Variants in PGM5 observed in about 807,000 individuals in gnomAD.
PGM5 encodes phosphoglucomutase-like protein 5.
Under a neutral mutation model 59.2 loss-of-function variants are expected in PGM5, and 23 were observed. The ratio of observed to expected loss-of-function variants is 0.39; its 90% CI spans 0.28 to 0.55. The LOEUF (loss-of-function observed/expected upper bound fraction) is 0.55, where lower values mean the gene tolerates loss of function less well. Among genes scored for constraint, PGM5 ranks in the 20% least tolerant of loss-of-function variants. PGM5 has a pLI of 0.66. For missense variants in PGM5, 574 were observed against 748.3 expected (o/e 0.77, Z 2.72); for synonymous variants, 214 against 286.0 (o/e 0.75, Z 2.54).
chr9:68,420,721 G>A (rs145158575), intron 6 of PGM5, among the ~76,000 whole-genome samples: 87 of 152,236 alleles, frequency 5.7e-4, no homozygotes, highest in Admixed American at 1.8e-3. Context: ...TCAGATGTTC[G>A]TCGGGAGACA....
At chr9:68,494,215 A>C (rs1295229732) in intron 9 of PGM5, among the ~76,000 whole-genome samples, 7 of 151,940 alleles carry the variant, frequency 4.6e-5, no homozygotes, top group Non-Finnish European at 1.0e-4. Context: ...TCCTACGAAG[A>C]CTGTGCTAAA....
chr9:68,411,583 C>T (rs1243221825), intron 6 of PGM5, among the ~76,000 whole-genome samples: 3 of 151,288 alleles, frequency 2.0e-5, no homozygotes, highest in Non-Finnish European at 4.4e-5. Flanking sequence ...TTTTGGATGT[C>T]CCTTGCTTAT....
chr9:68,444,393 G>T (rs1388773035), intron 6 of PGM5, among the ~76,000 whole-genome samples: 2 of 152,168 alleles, frequency 1.3e-5, no homozygotes, highest in Non-Finnish European at 2.9e-5. Flanking sequence ...TTATTGGGGT[G>T]CTAGAAGCAA....
chr9:68,456,717 C>G (rs373502741), intron 6 of PGM5, among the ~76,000 whole-genome samples: 1 of 151,236 alleles, frequency 6.6e-6, no homozygotes, highest in Non-Finnish European at 1.5e-5. Context: ...CTCCACTTCC[C>G]GGGTTCAAGT....
chr9:68,526,743 C>G (rs1483154345), intron 10 of PGM5, among the ~76,000 whole-genome samples: 1 of 152,096 alleles, frequency 6.6e-6, no homozygotes, highest in African/African-American at 2.4e-5. Context: ...AAAATTTCTC[C>G]CTAATATTTT....
intron 9 of PGM5, among the ~76,000 whole-genome samples, chr9:68,493,709 C>T (rs1824438126): frequency 6.6e-6 from 1 of 152,278 alleles, no homozygotes; most frequent in South Asian, 2.1e-4. Flanking sequence ...AGACCACCAG[C>T]TAAAAAAGTG....
At chr9:68,495,426 A>G (rs1824467532) in intron 9 of PGM5, among the ~76,000 whole-genome samples, 1 of 152,142 alleles carries the variant, frequency 6.6e-6, no homozygotes, top group African/African-American at 2.4e-5. Flanking sequence ...GTTAGTTACA[A>G]AGTTCTTATT....
chr9:68,480,445 C>G (rs782662465), intron 8 of PGM5, among the ~76,000 whole-genome samples: 3 of 152,240 alleles, frequency 2.0e-5, no homozygotes, highest in Non-Finnish European at 4.4e-5. Flanking sequence ...TGGCTCACGC[C>G]TGTAATACCA....
chr9:68,497,347 C>G (rs781825914), intron 9 of PGM5: 3 of 152,182 alleles, frequency 2.0e-5, no homozygotes, highest in Non-Finnish European at 4.4e-5. Context: ...GTGAATAAAT[C>G]CTGGATAATA....
intron 6 of PGM5, among the ~76,000 whole-genome samples, chr9:68,410,338 A>G (rs1426706052): frequency 6.6e-6 from 1 of 152,174 alleles, no homozygotes; most frequent in African/African-American, 2.4e-5. Context: ...GGGTTGTCTT[A>G]TTAAGATAGA....
chr9:68,492,868 T>G (rs1312199393), intron 9 of PGM5, among the ~76,000 whole-genome samples: 2 of 152,238 alleles, frequency 1.3e-5, no homozygotes, highest in Non-Finnish European at 2.9e-5. Flanking sequence ...GCATGCCCAC[T>G]TCTACAAAAT....
At chr9:68,411,468 A>ATG (rs35318797) in intron 6 of PGM5, among the ~76,000 whole-genome samples, 1 of 144,692 alleles carries the variant, frequency 6.9e-6, no homozygotes, top group African/African-American at 2.5e-5. Flanking sequence ...TAAATATATA[A>ATG]TGTGTGTGTG....
At chr9:68,493,872 G>A (rs1318136393) in intron 9 of PGM5, among the ~76,000 whole-genome samples, 1 of 152,226 alleles carries the variant, frequency 6.6e-6, no homozygotes, top group Non-Finnish European at 1.5e-5. Context: ...AAGGATTTTT[G>A]TGTGGAGATA....
chr9:68,502,241 A>C (rs575225679), intron 10 of PGM5, among the ~76,000 whole-genome samples: 1 of 152,306 alleles, frequency 6.6e-6, no homozygotes, highest in South Asian at 2.1e-4. Context: ...TTTTTAAAAT[A>C]CAAGTTTATT....
intron 10 of PGM5, among the ~76,000 whole-genome samples, chr9:68,514,370 G>C (rs1554689584): frequency 6.6e-6 from 1 of 152,158 alleles, no homozygotes; most frequent in Non-Finnish European, 1.5e-5. Flanking sequence ...GGGAGGCTGA[G>C]ACGGGTGAAT....
chr9:68,494,831 CTCT>C (rs1278818775), intron 9 of PGM5, among the ~76,000 whole-genome samples: 1 of 152,258 alleles, frequency 6.6e-6, no homozygotes, highest in Non-Finnish European at 1.5e-5. Flanking sequence ...TTTGCAACCA[CTCT>C]TCAAGGTAGA....
chr9:68,454,215 T>A (rs187253354), intron 6 of PGM5, among the ~76,000 whole-genome samples: 2 of 152,278 alleles, frequency 1.3e-5, no homozygotes, highest in East Asian at 3.9e-4. Flanking sequence ...AGGTCAAGGT[T>A]CCTGCCAAGC....
At chr9:68,386,202 A>T (rs571697649) in intron 3 of PGM5, among the ~76,000 whole-genome samples, 494 of 152,080 alleles carry the variant, frequency 3.2e-3, no homozygotes, top group Non-Finnish European at 5.1e-3. Flanking sequence ...CTTCCAAAGT[A>T]CTCAGGGCAT....
At chr9:68,508,259 A>G (rs1268025945) in intron 10 of PGM5, among the ~76,000 whole-genome samples, 3 of 152,178 alleles carry the variant, frequency 2.0e-5, no homozygotes, top group South Asian at 2.1e-4. Context: ...CCCGAGAACC[A>G]GTGGTCTTAA....
Sources: gnomAD v4.1 joint callset for allele counts (sites outside exome capture counted in the v4.1 genomes callset) on GRCh38, gnomAD v4.1.1 for gene constraint, MANE v1.5 for transcripts, NCBI Gene and HGNC (gene_info 2026-07-23, HGNC 2026-07-21) for gene names.